PSMG2: variants seen among roughly 807,000 people sequenced by gnomAD.
The protein encoded by PSMG2 is CD40 ligand-activated specific transcript 3.
In PSMG2, 21 loss-of-function variants were observed where a neutral mutation model predicts 31.5. The ratio of observed to expected loss-of-function variants is 0.67; its 90% CI spans 0.47 to 0.96. The LOEUF (loss-of-function observed/expected upper bound fraction) is 0.96. PSMG2 is among the 40% of genes least tolerant of loss of function. PSMG2 has a pLI of 0.00. For synonymous variants in PSMG2, 120 were observed against 110.4 expected (o/e 1.09, Z -0.54); for missense variants, 318 against 321.2 (o/e 0.99, Z 0.08).
chr18:12,715,961 T>G (rs9966672), intron 3 of PSMG2, among the ~76,000 whole-genome samples: 57,710 of 152,142 alleles, frequency 0.38, 11,490 homozygotes, highest in Non-Finnish European at 0.45. Flanking sequence ...GACCCCATAA[T>G]GCGTCCTAGT....
intron 1 of PSMG2, among the ~76,000 whole-genome samples, chr18:12,690,943 C>CT (rs930943384): frequency 2.4e-4 from 36 of 151,076 alleles, no homozygotes; most frequent in Middle Eastern, 3.4e-3. Context: ...CCCAGAGCCC[C>CT]CCCCCGTTCT....
At chr18:12,664,949 T>G (rs1042537654) in intron 1 of PSMG2, 1 of 152,158 alleles carries the variant, frequency 6.6e-6, no homozygotes, top group African/African-American at 2.4e-5. Flanking sequence ...TCCACCCACC[T>G]CAGCCTCCCA....
At chr18:12,676,896 A>G (rs1039461447) in intron 1 of PSMG2, among the ~76,000 whole-genome samples, 1 of 152,152 alleles carries the variant, frequency 6.6e-6, no homozygotes, top group African/African-American at 2.4e-5. Context: ...AGAACACAGA[A>G]AACAGGGCTC....
intron 1 of PSMG2, among the ~76,000 whole-genome samples, chr18:12,668,349 T>C (rs2038848386): frequency 6.6e-6 from 1 of 151,856 alleles, no homozygotes; most frequent in Non-Finnish European, 1.5e-5. Flanking sequence ...CTCAGCACTT[T>C]GGGAACCCGA....
intron 5 of PSMG2, chr18:12,724,077 T>C (rs1411816287): frequency 6.3e-6 from 1 of 157,702 alleles, no homozygotes; most frequent in African/African-American, 2.4e-5. Context: ...GTAGGAACTT[T>C]TATTTCCTTT....
At chr18:12,670,280 A>T (rs1262294492) in intron 1 of PSMG2, 1 of 152,266 alleles carries the variant, frequency 6.6e-6, no homozygotes, top group Non-Finnish European at 1.5e-5. Flanking sequence ...CAGTGAGCCA[A>T]GATTGTGCCA....
At chr18:12,674,826 G>A in intron 1 of PSMG2, 1 of 925,742 alleles carries the variant, frequency 1.1e-6, no homozygotes, top group Non-Finnish European at 1.6e-6. Flanking sequence ...TAAAAATGTT[G>A]ATTATTTTAA....
upstream of PSMG2, chr18:12,702,788 G>A (rs1239392729): frequency 3.5e-6 from 2 of 573,576 alleles, no homozygotes; most frequent in African/African-American, 4.0e-5. Context: ...GCTTGGGGCT[G>A]GCCCGCACGC....
chr18:12,681,384 CT>C (rs1484866770), intron 1 of PSMG2, among the ~76,000 whole-genome samples: 2 of 150,608 alleles, frequency 1.3e-5, no homozygotes, highest in Non-Finnish European at 2.9e-5. Context: ...GTAGCTGGGA[CT>C]AAAGGTGTGC....
intron 1 of PSMG2, among the ~76,000 whole-genome samples, chr18:12,692,001 T>G (rs2039781615): frequency 6.6e-6 from 1 of 151,988 alleles, no homozygotes; most frequent in South Asian, 2.1e-4. Context: ...TTACCGCGCC[T>G]GGCCCAGAAA....
intron 2 of PSMG2, among the ~76,000 whole-genome samples, chr18:12,711,894 C>T (rs1176752440): frequency 6.6e-6 from 1 of 151,862 alleles, no homozygotes; most frequent in Non-Finnish European, 1.5e-5. Context: ...GCTAGGACTA[C>T]AGGTGCCCGC....
chr18:12,673,496 AAGG>A, intron 1 of PSMG2: 1 of 1,576,900 alleles, frequency 6.3e-7, no homozygotes, highest in African/African-American at 1.4e-5. Context: ...TCTTCACAGA[AAGG>A]AGATCTATTT....
chr18:12,722,464 G>C (rs1321285348), intron 5 of PSMG2, among the ~76,000 whole-genome samples: 1 of 152,168 alleles, frequency 6.6e-6, no homozygotes, highest in Non-Finnish European at 1.5e-5. Context: ...GAGGGCAGGG[G>C]TGCTGCTCAT....
chr18:12,672,865 GAA>G, intron 1 of PSMG2: 1 of 985,164 alleles, frequency 1.0e-6, no homozygotes, highest in Non-Finnish European at 1.2e-6. Context: ...CAAGGACCAC[GAA>G]TAAACCACAA....
intron 3 of PSMG2, among the ~76,000 whole-genome samples, chr18:12,716,903 T>C (rs919624452): frequency 5.3e-5 from 8 of 151,488 alleles, no homozygotes; most frequent in African/African-American, 1.9e-4. Flanking sequence ...GGACCAGCAC[T>C]CTAACCCAGG....
rs559103430 is a variant in PSMG2, at chr18:12,703,533, C to T, written c.57+369C>T. Among the ~76,000 whole-genome samples the T allele has an allele frequency of 3.3e-5, 5 of 152,258 alleles. No homozygotes were observed. In the East Asian group the frequency reaches 9.6e-4, roughly 29 times the overall value. On this transcript the variant is annotated intron_variant, in intron 1 of 6. Transcript: ENST00000317615. ...AAGCTAGCATATTATCGTTGTTAAC[C>T]GGAGAACTACTGATAGGGCAATAAA... is the stretch of plus-strand genomic sequence containing the variant.
At chr18:12,711,823 T>G (rs2040335315) in intron 2 of PSMG2, among the ~76,000 whole-genome samples, 1 of 148,450 alleles carries the variant, frequency 6.7e-6, no homozygotes, top group Middle Eastern at 3.4e-3. Flanking sequence ...GCGCGATCTC[T>G]GCTCACTGCA....
chr18:12,668,320 C>T (rs1202168508), intron 1 of PSMG2, among the ~76,000 whole-genome samples: 2 of 151,186 alleles, frequency 1.3e-5, no homozygotes, highest in Non-Finnish European at 2.9e-5. Flanking sequence ...GGCTGGGTGC[C>T]GTCGCAGATG....
chr18:12,702,107 CAGAG>C (rs2040175633), upstream of PSMG2, among the ~76,000 whole-genome samples: 1 of 152,310 alleles, frequency 6.6e-6, no homozygotes, highest in East Asian at 1.9e-4. Context: ...GCCTGGGCAA[CAGAG>C]AGACTCCGTC....
Sources: gnomAD v4.1 joint callset for allele counts (sites outside exome capture counted in the v4.1 genomes callset) on GRCh38, gnomAD v4.1.1 for gene constraint, MANE v1.5 for transcripts, NCBI Gene and HGNC (gene_info 2026-07-23, HGNC 2026-07-21) for gene names.